Variants in KRT32 observed in about 807,000 individuals in gnomAD.
KRT32 encodes keratin 32, also known as keratin, type I cuticular Ha2.
KRT32 carries 44 observed loss-of-function variants against 41.8 expected under a neutral mutation model. That is an observed-to-expected ratio of 1.05 (90% CI 0.83 to 1.35). The LOEUF (loss-of-function observed/expected upper bound fraction) is 1.35. Among genes scored for constraint, KRT32 ranks in the 40% most tolerant of loss-of-function variants. The pLI, the probability that KRT32 is intolerant of heterozygous loss-of-function variation, is 0.00. For missense variants in KRT32, 576 were observed against 584.6 expected, an observed-to-expected ratio of 0.99 and a Z score of 0.15; for synonymous variants, 238 against 242.5, an observed-to-expected ratio of 0.98 and a Z score of 0.17.
chr17:41,462,638 G>A (rs935116630), intron 6 of KRT32, among the ~76,000 whole-genome samples, 192 bp downstream of exon 6: 3 of 152,184 alleles, frequency 2.0e-5, no homozygotes, highest in South Asian at 2.1e-4. Context: ...AATGGTCTCC[G>A]AGGGGCTTGG....
Position 41,467,008 on chromosome 17 carries a change from G to T in KRT32, c.318C>A (p.Arg106=), listed in dbSNP as rs1440566439. 6.2e-7 allele frequency: 1 copy of T among 1,614,260 alleles called. No homozygotes were observed. Among genetic ancestry groups the T allele is most frequent in the East Asian group, 2.2e-5 (1 of 44,890 alleles). The stretch of plus-strand genomic sequence containing the variant: ...GCACCCTCGTCAGGTAGCTGGCCAG[G>T]CGGTCGTTAAGGAACTGCATGGTTT... ...EKETMQFLND[R]LASYLTRVRQ... Residue 106 remains arginine, a synonymous_variant, in exon 1 of 7, where the codon CGC becomes CGA. Transcript: ENST00000225899.
At position 41,465,201 on chromosome 17, in the gene KRT32, C is replaced by T. The variant is rs138628662; in HGVS notation, c.708+572G>A. Among the ~76,000 whole-genome samples the T allele has an allele frequency of 5.8e-4, 88 of 152,200 alleles. 2 individuals carry two copies. The South Asian group carries it at 0.015, about 26-fold the overall frequency. ...GGAAAAATCAGAAAGTAAAGGGCTT[C>T]AGCTTGAGCATTTTATATGCAAACA... On this transcript the variant is annotated intron_variant, in intron 3 of 6. Coordinates refer to ENST00000225899, the MANE Select transcript of KRT32 (RefSeq NM_002278.3).
In KRT32 at chr17:41,467,029, G is replaced by T; in HGVS notation, c.297C>A (p.Thr99=). ...EGAFNGNEKE[T]MQFLNDRLAS... ...CCAGGCGGTCGTTAAGGAACTGCAT[G>T]GTTTCCTTCTCATTGCCATTGAAGG... is the stretch of plus-strand genomic sequence containing the variant. Residue 99 remains threonine, a synonymous_variant, in exon 1 of 7, where the codon ACC becomes ACA. Coordinates refer to ENST00000225899, the MANE Select transcript of KRT32 (RefSeq NM_002278.3). 6.2e-7 allele frequency: 1 copy of T among 1,614,268 alleles called. No individual in the cohort carries two copies. The highest frequency in any genetic ancestry group is 8.5e-7 in the Non-Finnish European group (1 of 1,180,042).
Position 41,462,926 on chromosome 17 carries a change from C to G in KRT32, c.1121G>C (p.Arg374Pro). ...CAGCACCTGGTACTCCTGGTTCTGCCGCTCCAGGTCAGCCCGGATCTCAGC... is the reference window on the plus strand; with the variant it reads ...CAGCACCTGGTACTCCTGGTTCTGCGGCTCCAGGTCAGCCCGGATCTCAGC... ...QLAEIRADLERQNQEYQVLLD... is the reference protein window; with the variant it reads ...QLAEIRADLEPQNQEYQVLLD... Residue 374 changes from arginine to proline, a missense_variant, in exon 6 of 7, where the codon CGG becomes CCG. Coordinates refer to ENST00000225899, the MANE Select transcript of KRT32 (RefSeq NM_002278.3). 1 of 1,614,102 alleles carries G rather than the reference C, an allele frequency of 6.2e-7. No homozygotes were observed. Among genetic ancestry groups the G allele is most frequent in the Non-Finnish European group, 8.5e-7 (1 of 1,179,998 alleles).
chr17:41,461,267 A>G (rs1993357), intron 6 of KRT32, among the ~76,000 whole-genome samples: 36,676 of 152,198 alleles, frequency 0.24, 4,944 homozygotes, highest in South Asian at 0.34. Flanking sequence ...CCCACCCTGC[A>G]TACCTCACAT....
At chr17:41,465,362 C>T (rs1415018191) in intron 3 of KRT32, among the ~76,000 whole-genome samples, 5 of 152,198 alleles carry the variant, frequency 3.3e-5, no homozygotes, top group Admixed American at 2.6e-4. Flanking sequence ...AGATCTGGAA[C>T]ATAACTCACC....
At chr17:41,465,375 G>A (rs764094951) in intron 3 of KRT32, among the ~76,000 whole-genome samples, 3 of 151,924 alleles carry the variant, frequency 2.0e-5, no homozygotes, top group Non-Finnish European at 2.9e-5. Flanking sequence ...AACTCACCCC[G>A]GCACCACTGC....
chr17:41,465,689 T>C (rs1306790857), intron 3 of KRT32, 84 bp downstream of exon 3: 1 of 1,411,208 alleles, frequency 7.1e-7, no homozygotes, highest in Non-Finnish European at 9.6e-7. Flanking sequence ...CTTGGGAATT[T>C]CAACCCACGC....
chr17:41,466,734 C>A, intron 1 of KRT32, 124 bp downstream of exon 1: 1 of 679,828 alleles, frequency 1.5e-6, no homozygotes, highest in Non-Finnish European at 2.5e-6. Context: ...TAAAATAACC[C>A]TATGCCCTAG....
Position 41,460,189 on chromosome 17 carries a change from G to A in KRT32, c.1268C>T (p.Ser423Phe), listed in dbSNP as rs374611494. Residue 423 changes from serine to phenylalanine, a missense_variant, in exon 7 of 7, where the codon TCC (serine) becomes TTC (phenylalanine). Physicochemically the swap from Ser to Phe is radical, Grantham distance 155 (BLOSUM62 -2). Coordinates refer to ENST00000225899, the MANE Select transcript of KRT32 (RefSeq NM_002278.3). The part of the protein sequence containing the change: ...STPSCTTCVP[S>F]PCVPRTVCVP... ...ACAGACGGTGCGGGGCACGCATGGG[G>A]AGGGCACACAGGTGGTGCAGGAAGG... The A allele has an allele frequency of 1.4e-5, 23 of 1,612,240 alleles. No individual in the cohort carries two copies. Among genetic ancestry groups the A allele is most frequent in the African/African-American group, 2.7e-5 (2 of 74,914 alleles).
In KRT32 at chr17:41,460,248, G is replaced by C. The variant is rs977711212; in HGVS notation, c.1218-9C>G. On this transcript the variant is annotated splice_polypyrimidine_tract_variant and intron_variant, in intron 6 of 6. Transcript: ENST00000225899. ...ATGGGTTACAGGGCAGCCTGCAGGA[G>C]AAAGTCAAAGAGAAACAGGATTAGT... is the stretch of plus-strand genomic sequence containing the variant. 1.3e-5 allele frequency: 21 copies of C among 1,579,626 alleles called. No individual in the cohort carries two copies. The highest frequency in any genetic ancestry group is 1.6e-5 in the Non-Finnish European group (19 of 1,162,520).
chr17:41,463,088 T>C, intron 5 of KRT32, 38 bp from the exon 6 acceptor site: 1 of 1,565,460 alleles, frequency 6.4e-7, no homozygotes, highest in Non-Finnish European at 8.7e-7. Context: ...GGAAGGGAGC[T>C]GTTTACCATG....
In KRT32 at chr17:41,464,083, T is replaced by C. The variant is rs534497630; in HGVS notation, c.991A>G (p.Ser331Gly). The C allele has an allele frequency of 2.8e-5, 44 of 1,592,312 alleles. No homozygotes were observed. In the Admixed American group the frequency reaches 4.8e-4, roughly 18 times the overall value. Residue 331 changes from serine to glycine, a missense_variant, in exon 5 of 7, where the codon AGC (serine) becomes GGC (glycine). Transcript: ENST00000225899. ...TLEIELQAQH[S>G]LRDSLENTLT... is the part of the protein sequence containing the mutation. The stretch of plus-strand genomic sequence containing the variant: ...GCCCACCCAGCAGCTCTCACCAGGC[T>C]GTGCTGGGCCTGCAGCTCGATCTCC...
intron 6 of KRT32, among the ~76,000 whole-genome samples, chr17:41,462,339 C>T (rs947905033): frequency 3.9e-5 from 6 of 152,284 alleles, no homozygotes; most frequent in Admixed American, 3.9e-4. Flanking sequence ...CACAAGGCTA[C>T]CTATTGTCCT....
At chr17:41,461,560 A>G (rs1338726008) in intron 6 of KRT32, among the ~76,000 whole-genome samples, 1 of 152,248 alleles carries the variant, frequency 6.6e-6, no homozygotes, top group Non-Finnish European at 1.5e-5. Flanking sequence ...ACATTTTTAA[A>G]AACCCAGATT....
At chr17:41,464,015 C>G in intron 5 of KRT32, 63 bp downstream of exon 5, 1 of 1,422,628 alleles carries the variant, frequency 7.0e-7, no homozygotes, top group South Asian at 1.7e-5. Flanking sequence ...TCCTGGGGAC[C>G]TGCACCTATG....
At chr17:41,461,151 A>T (rs2018998869) in intron 6 of KRT32, among the ~76,000 whole-genome samples, 1 of 152,160 alleles carries the variant, frequency 6.6e-6, no homozygotes, top group Admixed American at 6.5e-5. Context: ...CCTCTCTGAG[A>T]CAAAGCCCCC....
Position 41,466,971 on chromosome 17 carries a change from G to T in KRT32, c.355C>A (p.Gln119Lys). 1 of 1,614,222 alleles carries T rather than the reference G, an allele frequency of 6.2e-7. No individual in the cohort carries two copies. Among genetic ancestry groups the T allele is most frequent in the South Asian group, 1.1e-5 (1 of 91,080 alleles). The change falls in exon 1 of 7, where the codon CAG becomes AAG. Residue 119 changes from glutamine to lysine, a missense_variant. Transcript: ENST00000225899. ...SYLTRVRQLE[Q>K]ENAELESRIQ... Reference sequence around the variant, plus strand: ...CTGCTCTCCAGCTCCGCATTCTCCTGCTCCAGCTGCCGCACCCTCGTCAGG... The same window carrying T: ...CTGCTCTCCAGCTCCGCATTCTCCTTCTCCAGCTGCCGCACCCTCGTCAGG...
intron 1 of KRT32, 85 bp downstream of exon 1, chr17:41,466,773 A>T: frequency 1.0e-6 from 1 of 990,840 alleles, no homozygotes. Flanking sequence ...AACATAGCTT[A>T]ATAAGCTAAC....
Sources: gnomAD v4.1 joint callset for allele counts (sites outside exome capture counted in the v4.1 genomes callset) on GRCh38, gnomAD v4.1.1 for gene constraint, MANE v1.5 for transcripts, NCBI Gene and HGNC (gene_info 2026-07-23, HGNC 2026-07-21) for gene names.